The following XKR6 variants were observed in gnomAD, a reference collection of about 807,000 sequenced individuals.
XKR6 encodes XK-related protein 6.
XKR6 carries 22 observed loss-of-function variants against 56.7 expected under a neutral mutation model. That is an observed-to-expected ratio of 0.39 (90% CI 0.28 to 0.55). XKR6 has a LOEUF of 0.55. Ranked by LOEUF, XKR6 falls within the 20% of genes least tolerant of loss-of-function variation. XKR6 has a pLI of 0.66. For missense variants in XKR6, 852 were observed against 889.0 expected, an observed-to-expected ratio of 0.96 and a Z score of 0.53; for synonymous variants, 524 against 387.8, an observed-to-expected ratio of 1.35 and a Z score of -4.13.
intron 2 of XKR6, among the ~76,000 whole-genome samples, chr8:10,909,904 G>C (rs902039746): frequency 4.6e-5 from 7 of 151,894 alleles, no homozygotes; most frequent in African/African-American, 1.5e-4. Context: ...AGGAATTGAG[G>C]CTCAGGGAGG....
chr8:10,903,108 G>A (rs1371795450), intron 2 of XKR6, among the ~76,000 whole-genome samples: 2 of 152,126 alleles, frequency 1.3e-5, no homozygotes, highest in Non-Finnish European at 2.9e-5. Context: ...ACCTGTGATG[G>A]AGTGCATCGA....
chr8:11,058,799 C>G (rs144192855), intron 1 of XKR6, among the ~76,000 whole-genome samples: 1 of 152,228 alleles, frequency 6.6e-6, no homozygotes, highest in African/African-American at 2.4e-5. Flanking sequence ...CACATGTATA[C>G]CTATGTAACA....
At chr8:10,992,801 AGAGGAGATGGTCCTT>A (rs1302309080) in intron 1 of XKR6, among the ~76,000 whole-genome samples, 1 of 152,186 alleles carries the variant, frequency 6.6e-6, no homozygotes, top group East Asian at 1.9e-4. Flanking sequence ...GGAGATGGGA[AGAGGAGATGGTCCTT>A]GAGGCACGTC....
At chr8:11,149,178 T>G (rs1200461049) in intron 1 of XKR6, among the ~76,000 whole-genome samples, 1 of 152,158 alleles carries the variant, frequency 6.6e-6, no homozygotes, top group Non-Finnish European at 1.5e-5. Context: ...TGGGAAAACA[T>G]TCCGAGAAAT....
At chr8:11,189,264 A>G (rs1431407883) in intron 1 of XKR6, among the ~76,000 whole-genome samples, 1 of 152,224 alleles carries the variant, frequency 6.6e-6, no homozygotes, top group African/African-American at 2.4e-5. Flanking sequence ...AATGCCTCTA[A>G]CCTGGCACTT....
intron 1 of XKR6, among the ~76,000 whole-genome samples, chr8:10,951,299 G>GTGTGT (rs762396240): frequency 3.7e-4 from 44 of 117,582 alleles, no homozygotes; most frequent in African/African-American, 1.4e-3. Context: ...GTGTGTGTGT[G>GTGTGT]GGGGGGGGGG....
chr8:10,946,151 C>G (rs185025226), intron 1 of XKR6, among the ~76,000 whole-genome samples: 12 of 152,178 alleles, frequency 7.9e-5, no homozygotes, highest in Admixed American at 3.3e-4. Flanking sequence ...ACTCTGCCTG[C>G]AGGTTTCTCA....
intron 1 of XKR6, among the ~76,000 whole-genome samples, chr8:11,177,786 T>C (rs1478062282): frequency 6.6e-6 from 1 of 152,368 alleles, no homozygotes; most frequent in Non-Finnish European, 1.5e-5. Flanking sequence ...AGCAGTGCCC[T>C]GCTCACGCAT....
At chr8:10,987,124 A>C (rs1328814664) in intron 1 of XKR6, among the ~76,000 whole-genome samples, 1 of 152,192 alleles carries the variant, frequency 6.6e-6, no homozygotes, top group Non-Finnish European at 1.5e-5. Context: ...TAATCTATAA[A>C]TATTACCCAT....
At chr8:11,080,496 C>T (rs1178779295) in intron 1 of XKR6, among the ~76,000 whole-genome samples, 4 of 152,268 alleles carry the variant, frequency 2.6e-5, no homozygotes, top group Non-Finnish European at 5.9e-5. Context: ...CTCTAAACAG[C>T]AGACAGTGAT....
Position 10,913,791 on chromosome 8 carries a change from C to T in XKR6, c.961+10843G>A, listed in dbSNP as rs150318163. Among the ~76,000 whole-genome samples, 16 of 152,260 alleles carry T rather than the reference C, an allele frequency of 1.1e-4. No homozygotes were observed. The East Asian group carries it at 1.5e-3, about 15-fold the overall frequency. On this transcript the variant is annotated intron_variant, in intron 2 of 2. Transcript: ENST00000416569. ...GTGACAGGAAGGCTGCAGAGGTTCCCGATAAGCAGAGAAGGACCCAAAGTC... is the reference window on the plus strand; with the variant it reads ...GTGACAGGAAGGCTGCAGAGGTTCCTGATAAGCAGAGAAGGACCCAAAGTC...
intron 1 of XKR6, among the ~76,000 whole-genome samples, chr8:10,992,446 G>A (rs1293877086): frequency 6.6e-6 from 1 of 152,156 alleles, no homozygotes; most frequent in Non-Finnish European, 1.5e-5. Context: ...TGGAGGGGCA[G>A]ATGTGCTTCT....
At chr8:10,927,250 C>T (rs545342496) in intron 1 of XKR6, among the ~76,000 whole-genome samples, 2 of 152,160 alleles carry the variant, frequency 1.3e-5, no homozygotes, top group South Asian at 2.1e-4. Context: ...GCTGAAGCAC[C>T]GAGGCAGGGC....
chr8:10,965,317 G>C (rs1364462662), intron 1 of XKR6, among the ~76,000 whole-genome samples: 6 of 152,234 alleles, frequency 3.9e-5, no homozygotes, highest in Admixed American at 3.9e-4. Flanking sequence ...TCTCACTACA[G>C]AGATGCGGGA....
At chr8:11,134,797 G>C (rs889865654) in intron 1 of XKR6, among the ~76,000 whole-genome samples, 1 of 151,932 alleles carries the variant, frequency 6.6e-6, no homozygotes, top group Admixed American at 6.6e-5. Context: ...GGTGTTATTT[G>C]TAACAGCAAG....
chr8:10,972,202 C>A (rs963282587), intron 1 of XKR6, among the ~76,000 whole-genome samples: 14 of 152,152 alleles, frequency 9.2e-5, no homozygotes, highest in Admixed American at 9.2e-4. Context: ...ACTCTAGGTT[C>A]TATTTTGATT....
intron 1 of XKR6, chr8:11,035,266 A>G (rs1424010507): frequency 1.9e-6 from 1 of 534,802 alleles, no homozygotes; most frequent in South Asian, 1.4e-5. Context: ...AGCTCACACC[A>G]TCGGGATCAC....
intron 1 of XKR6, among the ~76,000 whole-genome samples, chr8:10,954,732 A>G (rs918608269): frequency 2.6e-5 from 4 of 152,072 alleles, no homozygotes; most frequent in Non-Finnish European, 5.9e-5. Flanking sequence ...GGCTTTGCCT[A>G]ATCCAAAGTC....
At chr8:11,156,305 G>C (rs1461383453) in intron 1 of XKR6, among the ~76,000 whole-genome samples, 1 of 152,006 alleles carries the variant, frequency 6.6e-6, no homozygotes, top group East Asian at 1.9e-4. Flanking sequence ...CACTCATCAA[G>C]GCGAAATTCA....
Sources: gnomAD v4.1 joint callset for allele counts (sites outside exome capture counted in the v4.1 genomes callset) on GRCh38, gnomAD v4.1.1 for gene constraint, MANE v1.5 for transcripts, NCBI Gene and HGNC (gene_info 2026-07-23, HGNC 2026-07-21) for gene names.